The following NUP133 variants were observed in gnomAD, a reference collection of about 807,000 sequenced individuals.
The protein encoded by NUP133 is nucleoporin 133, also known as nuclear pore complex protein Nup133.
In NUP133, 66 loss-of-function variants were observed where a neutral mutation model predicts 146.2. That is an observed-to-expected ratio of 0.45 (90% CI 0.37 to 0.55). The LOEUF (loss-of-function observed/expected upper bound fraction) is 0.55, where lower values mean the gene tolerates loss of function less well. Ranked by LOEUF, NUP133 falls within the 20% of genes least tolerant of loss-of-function variation. NUP133 has a pLI of 0.00. For missense variants in NUP133, 1,277 were observed against 1,374.8 expected, an observed-to-expected ratio of 0.93 and a Z score of 1.12; for synonymous variants, 521 against 498.8, an observed-to-expected ratio of 1.04 and a Z score of -0.59.
chr1:229,475,581 C>A, intron 14 of NUP133, 57 bp downstream of exon 14: 3 of 1,253,760 alleles, frequency 2.4e-6, no homozygotes, highest in Non-Finnish European at 2.3e-6. Flanking sequence ...AGACTTCCCA[C>A]TGTGTTGGAG....
chr1:229,464,714 T>G lies in NUP133; in HGVS notation c.2461A>C (p.Lys821Gln). ...CFLDGYVSQL[K>Q]SVDKSSNRER... is the part of the protein sequence containing the mutation. The stretch of plus-strand genomic sequence containing the variant: ...CGATTACTGGATTTATCCACAGACT[T>G]AAGCTGAGAAACATAACCATCCAGG... Residue 821 changes from lysine (K) to glutamine (Q), a missense_variant, in exon 18 of 26, where the codon AAG becomes CAG. This residue lies in a region of NUP133 where 952 missense variants were observed against 1,047.0 expected (regional missense o/e 0.91). Transcript: ENST00000261396. The G allele has an allele frequency of 6.2e-7, 1 of 1,614,212 alleles. No homozygotes were observed. Among genetic ancestry groups the G allele is most frequent in the Non-Finnish European group, 8.5e-7 (1 of 1,180,048 alleles).
At chr1:229,496,219 ATCCTAGCAG>A (rs560307313) in intron 6 of NUP133, among the ~76,000 whole-genome samples, 172 bp from the exon 7 acceptor site, 133 of 152,208 alleles carry the variant, frequency 8.7e-4, no homozygotes, top group African/African-American at 2.8e-3. Flanking sequence ...TACCCCTGCA[ATCCTAGCAG>A]TTTGGGAGGC....
At chr1:229,463,767 C>T in intron 18 of NUP133, 91 bp from the exon 19 acceptor site, 2 of 1,313,310 alleles carry the variant, frequency 1.5e-6, no homozygotes, top group Non-Finnish European at 2.0e-6. Flanking sequence ...ATCTTTATTC[C>T]TATTATAAAC....
chr1:229,487,717 C>T, intron 9 of NUP133, 104 bp from the exon 10 acceptor site: 1 of 896,386 alleles, frequency 1.1e-6, no homozygotes, highest in African/African-American at 1.7e-5. Context: ...AATATTTCAC[C>T]AATTCTCTTT....
At chr1:229,473,611 T>C (rs371132433) in intron 14 of NUP133, among the ~76,000 whole-genome samples, 1 of 152,142 alleles carries the variant, frequency 6.6e-6, no homozygotes, top group Admixed American at 6.5e-5. Flanking sequence ...GAGAATGACT[T>C]TGCCACTCTT....
chr1:229,490,171 A>C, intron 8 of NUP133, 69 bp from the exon 9 acceptor site: 2 of 1,326,590 alleles, frequency 1.5e-6, no homozygotes, highest in Non-Finnish European at 2.0e-6. Flanking sequence ...ATAAAATTAA[A>C]CATATGCTTC....
intron 3 of NUP133, among the ~76,000 whole-genome samples, chr1:229,501,189 C>T (rs1661789876): frequency 6.6e-6 from 1 of 152,170 alleles, no homozygotes; most frequent in South Asian, 2.1e-4. Context: ...ATGGAACTTT[C>T]CCAATTTACT....
In NUP133 at chr1:229,443,681, T is replaced by C. The variant is rs186435030; in HGVS notation, c.3334+1233A>G. On this transcript the variant is annotated intron_variant, in intron 25 of 25. Coordinates refer to ENST00000261396, the MANE Select transcript of NUP133 (RefSeq NM_018230.3). Reference sequence around the variant, plus strand: ...CCTGTTATTAAAAAACCGCACGCCTTATATATGTAAAATATACATATATAA... The same window carrying C: ...CCTGTTATTAAAAAACCGCACGCCTCATATATGTAAAATATACATATATAA... Among the ~76,000 whole-genome samples the C allele has an allele frequency of 2.6e-3, 401 of 151,858 alleles. 1 individual carries two copies. Among genetic ancestry groups the C allele is most frequent in the African/African-American group, 8.9e-3 (369 of 41,488 alleles).
At position 229,450,601 on chromosome 1, in the gene NUP133, T is replaced by C. The variant is rs752122180; in HGVS notation, c.3104A>G (p.Tyr1035Cys). The C allele has an allele frequency of 7.9e-6, 12 of 1,518,122 alleles. No individual in the cohort carries two copies. The highest frequency in any genetic ancestry group is 3.5e-5 in the South Asian group (3 of 85,270). 94.0% of individuals were successfully genotyped at this position (1,518,122 alleles called of 1,614,324 possible). The change falls in exon 23 of 26, where the codon TAT (tyrosine) becomes TGT (cysteine). Residue 1035 changes from tyrosine (Y) to cysteine (C), a missense_variant. Around this residue, in one of 3 missense-constraint regions of NUP133, gnomAD observed 952 missense variants for 1,047.0 expected, o/e 0.91. Transcript: ENST00000261396. ...VLTAPQLIGL[Y>C]ICEENRRANE... ...AGCTCTTCTATTTTCTTCACAGATA[T>C]ATAGCTATGACAAGTTAAAATAAGG... is the stretch of plus-strand genomic sequence containing the variant.
intron 12 of NUP133, 113 bp downstream of exon 12, chr1:229,483,941 C>T: frequency 2.9e-6 from 2 of 683,664 alleles, no homozygotes; most frequent in South Asian, 3.8e-5. Context: ...AAAACATTCT[C>T]CTCTTGATAG....
chr1:229,472,882 C>A (rs944121003), intron 14 of NUP133, among the ~76,000 whole-genome samples: 3 of 151,788 alleles, frequency 2.0e-5, no homozygotes, highest in Non-Finnish European at 4.4e-5. Context: ...ACTTCCACCC[C>A]CTTCAGAATG....
intron 15 of NUP133, among the ~76,000 whole-genome samples, chr1:229,468,566 T>C (rs1660879348): frequency 6.6e-6 from 1 of 152,192 alleles, no homozygotes; most frequent in South Asian, 2.1e-4. Context: ...CCTAAAATAT[T>C]ATTCTATATG....
At chr1:229,464,507 TTTAAG>T in intron 18 of NUP133, 112 bp downstream of exon 18, 1 of 1,263,158 alleles carries the variant, frequency 7.9e-7, no homozygotes, top group South Asian at 1.5e-5. Context: ...GCATATTTGC[TTTAAG>T]TTCTTTATTA....
intron 2 of NUP133, among the ~76,000 whole-genome samples, chr1:229,503,742 C>T (rs957355026): frequency 3.9e-5 from 6 of 152,202 alleles, no homozygotes; most frequent in African/African-American, 7.2e-5. Context: ...TCCAGATCCT[C>T]GACCGGTGTG....
chr1:229,506,155 T>C lies in NUP133; in HGVS notation c.186A>G (p.Gly62=), dbSNP rs1215892113. 1.3e-6 allele frequency: 2 copies of C among 1,586,980 alleles called. No individual in the cohort carries two copies. Among genetic ancestry groups the C allele is most frequent in the East Asian group, 2.2e-5 (1 of 44,678 alleles). The part of the protein sequence containing the change: ...VGRRSSLSSR[G]TPTRMFPHHS... Reference sequence around the variant, plus strand: ...GGTGTGGGAACATTCGTGTTGGTGTTCCCCTAAAGAAAAGAGTCTATATTA... The same window carrying C: ...GGTGTGGGAACATTCGTGTTGGTGTCCCCCTAAAGAAAAGAGTCTATATTA... Residue 62 remains glycine (G), a synonymous_variant, in exon 2 of 26, where the codon GGA becomes GGG. Coordinates refer to ENST00000261396, the MANE Select transcript of NUP133 (RefSeq NM_018230.3).
chr1:229,501,899 T>C, intron 3 of NUP133, 100 bp downstream of exon 3: 1 of 807,320 alleles, frequency 1.2e-6, no homozygotes. Context: ...AGTAGTTTCC[T>C]ATTGACTATC....
chr1:229,451,681 C>CA (rs1421067946), intron 22 of NUP133, among the ~76,000 whole-genome samples: 2 of 152,156 alleles, frequency 1.3e-5, no homozygotes, highest in African/African-American at 4.8e-5. Flanking sequence ...CAACAATACT[C>CA]AGACCATTTC....
intron 22 of NUP133, chr1:229,450,806 A>G: frequency 3.7e-6 from 1 of 267,146 alleles, no homozygotes; most frequent in Non-Finnish European, 7.1e-6. Context: ...GCTCACTGAA[A>G]CTTCTGCCTC....
Position 229,500,809 on chromosome 1 carries a change from C to G in NUP133, c.460G>C (p.Asp154His). The G allele has an allele frequency of 6.2e-7, 1 of 1,612,948 alleles. No homozygotes were observed. Among genetic ancestry groups the G allele is most frequent in the Non-Finnish European group, 8.5e-7 (1 of 1,179,284 alleles). The change falls in exon 4 of 26, where the codon GAC becomes CAC. Residue 154 changes from aspartate (D) to histidine (H), a missense_variant. Asp to His is a moderately conservative substitution (Grantham distance 81). Transcript: ENST00000261396. The stretch of plus-strand genomic sequence containing the variant: ...GAAGAGTAAGAAAGAGCCACTAAGT[C>G]GGCACTCCAGTGGAAATCACTAGGT... ...LPPSDFHWSA[D>H]LVALSYSSPS...
Sources: gnomAD v4.1 joint callset for allele counts (sites outside exome capture counted in the v4.1 genomes callset) on GRCh38, gnomAD v4.1.1 for gene constraint, gnomAD v4.1.1 regional missense constraint, MANE v1.5 for transcripts, NCBI Gene and HGNC (gene_info 2026-07-23, HGNC 2026-07-21) for gene names.